Variants in CNN3 observed in about 807,000 individuals in gnomAD.
CNN3 encodes the protein calponin-3.
In CNN3, 11 loss-of-function variants were observed where a neutral mutation model predicts 39.0. The observed-to-expected ratio is 0.28, with a 90% CI of 0.18 to 0.47. The LOEUF (loss-of-function observed/expected upper bound fraction) is 0.47, where lower values mean the gene tolerates loss of function less well. Ranked by LOEUF, CNN3 falls within the 20% of genes least tolerant of loss-of-function variation. The pLI is 0.99. For synonymous variants in CNN3, 101 were observed against 138.3 expected, an observed-to-expected ratio of 0.73 and a Z score of 1.89; for missense variants, 266 against 403.4, an observed-to-expected ratio of 0.66 and a Z score of 2.92.
chr1:94,924,882 G>C (rs1269729), intron 1 of CNN3, among the ~76,000 whole-genome samples: 2,031 of 152,258 alleles, frequency 0.013, 55 homozygotes, highest in African/African-American at 0.046. Context: ...AAAGAATACT[G>C]TCTGAAAGGA....
chr1:94,915,091 T>C (rs570810339), intron 1 of CNN3, among the ~76,000 whole-genome samples: 1 of 152,290 alleles, frequency 6.6e-6, no homozygotes, highest in South Asian at 2.1e-4. Flanking sequence ...CTGTGTTGCC[T>C]AGGCTGGTCC....
chr1:94,899,664 C>A, intron 5 of CNN3, 147 bp from the exon 6 acceptor site: 1 of 738,588 alleles, frequency 1.4e-6, no homozygotes, highest in East Asian at 2.9e-5. Context: ...TTCTATGTGT[C>A]TACAAACAAA....
At chr1:94,920,192 C>G (rs192414310) in intron 1 of CNN3, among the ~76,000 whole-genome samples, 2 of 152,294 alleles carry the variant, frequency 1.3e-5, no homozygotes, top group East Asian at 3.9e-4. Context: ...GCAATGTGGA[C>G]AGAATGGTGC....
chr1:94,923,478 G>A (rs1300178559), intron 1 of CNN3, among the ~76,000 whole-genome samples: 2 of 150,104 alleles, frequency 1.3e-5, no homozygotes, highest in African/African-American at 4.9e-5. Flanking sequence ...TCATATTCCA[G>A]GCTGAAAGAC....
At chr1:94,905,822 A>G (rs1281809568) in intron 1 of CNN3, among the ~76,000 whole-genome samples, 1 of 152,028 alleles carries the variant, frequency 6.6e-6, no homozygotes, top group Non-Finnish European at 1.5e-5. Context: ...CAGCCTCCCA[A>G]AGTGCTGAGA....
Position 94,897,716 on chromosome 1 carries a change from A to G in CNN3, c.*26T>C. 1.9e-6 allele frequency: 3 copies of G among 1,591,892 alleles called. No homozygotes were observed. Among genetic ancestry groups the G allele is most frequent in the Non-Finnish European group, 2.6e-6 (3 of 1,164,162 alleles). ...TCTCACTGAATAAAAACAAAGGACT[A>G]AATACTGAGCTCCTTCTGTGTGGAT... On this transcript the variant is annotated 3_prime_UTR_variant, in exon 7 of 7. Transcript: ENST00000370206.
intron 1 of CNN3, among the ~76,000 whole-genome samples, chr1:94,911,116 T>C (rs1367478193): frequency 2.0e-5 from 3 of 151,884 alleles, no homozygotes; most frequent in South Asian, 4.2e-4. Context: ...GGGGTGGGAG[T>C]GGGAATTCTA....
At chr1:94,919,902 A>G (rs1333379205) in intron 1 of CNN3, among the ~76,000 whole-genome samples, 1 of 152,102 alleles carries the variant, frequency 6.6e-6, no homozygotes, top group Non-Finnish European at 1.5e-5. Context: ...AAAACTAAGC[A>G]TTAGTCTTCT....
In CNN3 at chr1:94,926,817, G is replaced by C. The variant is rs755567640; in HGVS notation, c.57+21C>G. 1 of 1,606,510 alleles carries C rather than the reference G, an allele frequency of 6.2e-7. No homozygotes were observed. ...CCAAGGGTGCCCCGGGGGCCCCCGC[G>C]CCCGCCCGAGCCAGGCGTACCTTGT... On this transcript the variant is annotated intron_variant, in intron 1 of 6. Transcript: ENST00000370206. The surrounding 1 kb of genome is among the most constrained non-coding windows in gnomAD (Gnocchi z 4.2).
intron 1 of CNN3, among the ~76,000 whole-genome samples, chr1:94,925,172 C>A (rs1195779941): frequency 6.6e-6 from 1 of 152,166 alleles, no homozygotes; most frequent in Non-Finnish European, 1.5e-5. Context: ...GGGCTGCCAA[C>A]GTTATCAGTA....
intron 1 of CNN3, among the ~76,000 whole-genome samples, chr1:94,919,952 T>C (rs1348975637): frequency 6.6e-6 from 1 of 152,154 alleles, no homozygotes; most frequent in Non-Finnish European, 1.5e-5. Context: ...AGGTAGAGAC[T>C]TCATAAGAAC....
intron 1 of CNN3, among the ~76,000 whole-genome samples, chr1:94,924,770 C>T (rs1671537178): frequency 6.6e-6 from 1 of 152,224 alleles, no homozygotes. Flanking sequence ...GCAAATCTTT[C>T]TGAGCTTCAG....
At chr1:94,913,063 C>G (rs1286229300) in intron 1 of CNN3, among the ~76,000 whole-genome samples, 1 of 152,132 alleles carries the variant, frequency 6.6e-6, no homozygotes, top group Non-Finnish European at 1.5e-5. Flanking sequence ...ATTAAGGAAA[C>G]TGGGAATCAG....
intron 1 of CNN3, 110 bp from the exon 2 acceptor site, chr1:94,903,634 T>C (rs1670924883): frequency 2.8e-6 from 4 of 1,433,078 alleles, no homozygotes; most frequent in Non-Finnish European, 2.9e-6. Flanking sequence ...CTGTGAAGTG[T>C]AGTAAATGAC....
chr1:94,917,966 C>A (rs1671325974), intron 1 of CNN3, among the ~76,000 whole-genome samples: 1 of 152,160 alleles, frequency 6.6e-6, no homozygotes, highest in Non-Finnish European at 1.5e-5. Context: ...AAGTCTTTTC[C>A]ATCATTGGAT....
At chr1:94,908,692 C>T (rs1028449689) in intron 1 of CNN3, among the ~76,000 whole-genome samples, 28 of 152,266 alleles carry the variant, frequency 1.8e-4, no homozygotes, top group African/African-American at 6.7e-4. Context: ...AGGTGCCCAC[C>T]ACCACACCCA....
intron 2 of CNN3, 107 bp from the exon 3 acceptor site, chr1:94,903,295 T>C (rs529273067): frequency 4.8e-4 from 747 of 1,547,392 alleles, no homozygotes; most frequent in Non-Finnish European, 5.6e-4. Flanking sequence ...ATTAAAGATA[T>C]CTGTAGAATA....
chr1:94,911,513 TGGCTCACACCAGCAATTTGGGA>T (rs1671164810), intron 1 of CNN3, among the ~76,000 whole-genome samples: 1 of 152,230 alleles, frequency 6.6e-6, no homozygotes, highest in African/African-American at 2.4e-5. Flanking sequence ...ACGGGTGCAG[TGGCTCACACCAGCAATTTGGGA>T]GGCCAACACT....
Position 94,899,380 on chromosome 1 carries a change from T to A in CNN3, c.639A>T (p.Gly213=), listed in dbSNP as rs765625401. ...AAAAGGTATTGCTTACCTGGCTGGCTCCTTTATTAGTGCCCATCTGCAGAC... is the reference window on the plus strand; with the variant it reads ...AAAAGGTATTGCTTACCTGGCTGGCACCTTTATTAGTGCCCATCTGCAGAC... ...TISLQMGTNK[G]ASQAGMLAPG... The change falls in exon 6 of 7, where the codon GGA becomes GGT. Residue 213 remains glycine (G), a synonymous_variant. Coordinates refer to ENST00000370206, the MANE Select transcript of CNN3 (RefSeq NM_001839.5). The A allele has an allele frequency of 3.1e-6, 5 of 1,613,338 alleles. No individual in the cohort carries two copies. Among genetic ancestry groups the A allele is most frequent in the Non-Finnish European group, 4.2e-6 (5 of 1,179,796 alleles).
Sources: allele counts gnomAD v4.1 joint callset (sites outside exome capture counted in the v4.1 genomes callset), GRCh38; gene constraint gnomAD v4.1.1; non-coding constraint Gnocchi (gnomAD v3.1); transcripts MANE v1.5; gene names NCBI Gene and HGNC (gene_info 2026-07-23, HGNC 2026-07-21).